TMEM37: variants seen among roughly 807,000 people sequenced by gnomAD.
The protein encoded by TMEM37 is transmembrane protein 37, also known as voltage-dependent calcium channel gamma-like subunit.
TMEM37 carries 12 observed loss-of-function variants against 11.0 expected under a neutral mutation model. The observed-to-expected ratio is 1.09, with a 90% CI of 0.70 to 1.76. The LOEUF (loss-of-function observed/expected upper bound fraction) is 1.76. Among genes scored for constraint, TMEM37 ranks in the 40% most tolerant of loss-of-function variants. The pLI is 0.00. For missense variants in TMEM37, 203 were observed against 251.2 expected (o/e 0.81, Z 1.30); for synonymous variants, 127 against 110.5 (o/e 1.15, Z -0.94).
chr2:119,437,697 G>A lies in TMEM37; in HGVS notation c.*257G>A. ...CAGGCTTAGCCAGATGTTGATTTTA[G>A]AGGAAGAAAAAAACATTTTAAAACT... On this transcript the variant is annotated 3_prime_UTR_variant, in exon 2 of 2. Transcript: ENST00000306406. 1 of 515,464 alleles carries A rather than the reference G, an allele frequency of 1.9e-6. No individual in the cohort carries two copies. Among genetic ancestry groups the A allele is most frequent in the African/African-American group, 1.9e-5 (1 of 51,738 alleles). 31.9% of individuals were successfully genotyped at this position (515,464 alleles called of 1,614,324 possible). A position where few individuals can be genotyped will look rare whatever the true frequency, so the allele number is the denominator to read the frequency against.
At chr2:119,431,658 G>A (rs1033509135), upstream of TMEM37, among the ~76,000 whole-genome samples, 1 of 152,228 alleles carries the variant, frequency 6.6e-6, no homozygotes, top group African/African-American at 2.4e-5. Context: ...CAAGTGCCGG[G>A]TCCTCCCCGC....
chr2:119,436,094 G>T (rs544538894), intron 1 of TMEM37, among the ~76,000 whole-genome samples: 25 of 152,314 alleles, frequency 1.6e-4, no homozygotes, highest in Middle Eastern at 6.8e-3. Context: ...CAGTGCCCGG[G>T]TGGTGTCCTT....
chr2:119,432,264 A>G (rs545936226), intron 1 of TMEM37: 255 of 262,562 alleles, frequency 9.7e-4, no homozygotes, highest in Non-Finnish European at 1.5e-3. Flanking sequence ...AGTTTACCAT[A>G]AGGGTCCCCC....
upstream of TMEM37, chr2:119,431,837 C>T (rs1438756383): frequency 9.8e-6 from 12 of 1,223,902 alleles, no homozygotes; most frequent in Admixed American, 5.2e-4. Flanking sequence ...AAGTCCCGGG[C>T]TGGCGCCGGC....
At chr2:119,435,608 CA>C (rs1180757692) in intron 1 of TMEM37, among the ~76,000 whole-genome samples, 2 of 152,224 alleles carry the variant, frequency 1.3e-5, no homozygotes, top group African/African-American at 2.4e-5. Flanking sequence ...CTTGAGCACC[CA>C]CTGAATGCCC....
At chr2:119,431,993 C>G in intron 1 of TMEM37, 69 bp downstream of exon 1, 3 of 876,032 alleles carry the variant, frequency 3.4e-6, no homozygotes, top group Non-Finnish European at 4.5e-6. Flanking sequence ...GGTGGGAGGA[C>G]GGAGGGAGGG....
At chr2:119,432,451 G>A (rs1234049990) in intron 1 of TMEM37, among the ~76,000 whole-genome samples, 1 of 152,116 alleles carries the variant, frequency 6.6e-6, no homozygotes, top group Non-Finnish European at 1.5e-5. Flanking sequence ...TGGACTTGCT[G>A]AGTCGCGCGG....
chr2:119,430,353 A>G, upstream of TMEM37: 1 of 496,364 alleles, frequency 2.0e-6, no homozygotes, highest in Non-Finnish European at 4.1e-6. Flanking sequence ...CTTCCAGGTG[A>G]CTCTGGTGCA....
upstream of TMEM37, among the ~76,000 whole-genome samples, chr2:119,431,533 T>C (rs1002272780): frequency 4.6e-5 from 7 of 152,218 alleles, no homozygotes; most frequent in Admixed American, 1.3e-4. Context: ...CAGGCCCTCG[T>C]CGCCGTCCCA....
chr2:119,434,740 C>G (rs1175326258), intron 1 of TMEM37, among the ~76,000 whole-genome samples: 1 of 152,180 alleles, frequency 6.6e-6, no homozygotes, highest in African/African-American at 2.4e-5. Flanking sequence ...TTGAGGCATC[C>G]CTCTGCACGC....
intron 1 of TMEM37, among the ~76,000 whole-genome samples, chr2:119,436,222 A>T (rs1682492694): frequency 6.6e-6 from 1 of 152,170 alleles, no homozygotes; most frequent in Non-Finnish European, 1.5e-5. Context: ...TGGCCTTCCC[A>T]TGCCCAGAAG....
chr2:119,436,920 G>T lies in TMEM37; in HGVS notation c.53G>T (p.Arg18Leu). 1.2e-6 allele frequency: 2 copies of T among 1,614,138 alleles called. No homozygotes were observed. Among genetic ancestry groups the T allele is most frequent in the Non-Finnish European group, 8.5e-7 (1 of 1,180,022 alleles). ...AQRPLGQRQP[R>L]RSFFESFIRT... ...AGGCCTTTGGGCCAAAGGCAGCCCC[G>T]CCGGTCCTTCTTTGAATCCTTCATC... Residue 18 changes from arginine to leucine, a missense_variant, in exon 2 of 2, where the codon CGC becomes CTC. Transcript: ENST00000306406.
At chr2:119,430,210 AGCCTG>A, upstream of TMEM37, 1 of 645,442 alleles carries the variant, frequency 1.5e-6, no homozygotes, top group Admixed American at 2.2e-5. Flanking sequence ...AGGCTGGCTG[AGCCTG>A]GGCAGCTGCC....
At position 119,437,218 on chromosome 2, in the gene TMEM37, C is replaced by A. The variant is rs566320245; in HGVS notation, c.351C>A (p.Asp117Glu). ...EFLMVSQLCE[D>E]KHSQCKWVMG... ...TCATGGTGTCCCAGTTGTGCGAGGA[C>A]AAACACTCACAGTGCAAGTGGGTCA... The change falls in exon 2 of 2, where the codon GAC (aspartate) becomes GAA (glutamate). Residue 117 changes from aspartate (D) to glutamate (E), a missense_variant. Coordinates refer to ENST00000306406, the MANE Select transcript of TMEM37 (RefSeq NM_183240.3). 3.7e-6 allele frequency: 6 copies of A among 1,614,258 alleles called. No individual in the cohort carries two copies. The Admixed American group carries it at 5.0e-5, about 13-fold the overall frequency.
At chr2:119,434,424 CAA>C (rs1321419560) in intron 1 of TMEM37, among the ~76,000 whole-genome samples, 2 of 151,772 alleles carry the variant, frequency 1.3e-5, no homozygotes, top group African/African-American at 4.8e-5. Flanking sequence ...CACAGGTTTT[CAA>C]AGTTTCCTTT....
Position 119,437,461 on chromosome 2 carries a change from C to CTCCAGGGACATCAGATTCCACAAGA in TMEM37, c.*22_*46dup. ...AATGACCGTGGAAATTTTAGGCCCC[C>CTCCAGGGACATCAGATTCCACAAGA]TCCAGGGACATCAGATTCCACAAGA... On this transcript the variant is annotated 3_prime_UTR_variant, in exon 2 of 2. Transcript: ENST00000306406. 6.3e-7 allele frequency: 1 copy of CTCCAGGGACATCAGATTCCACAAGA among 1,596,112 alleles called. No individual in the cohort carries two copies. The highest frequency in any genetic ancestry group is 8.5e-7 in the Non-Finnish European group (1 of 1,171,226).
chr2:119,433,541 T>A (rs1682443905), intron 1 of TMEM37, among the ~76,000 whole-genome samples: 1 of 152,020 alleles, frequency 6.6e-6, no homozygotes, highest in African/African-American at 2.4e-5. Context: ...GTGCTTTGGT[T>A]AAGGGGAACA....
In TMEM37 at chr2:119,437,756, A is replaced by G. The variant is rs1682533062; in HGVS notation, c.*316A>G. On this transcript the variant is annotated 3_prime_UTR_variant, in exon 2 of 2. Coordinates refer to ENST00000306406, the MANE Select transcript of TMEM37 (RefSeq NM_183240.3). ...AATTTTCTTCCCTGGACTGGAATACAGTTGGAAGCACAGGGGTAACTGGTA... is the reference window on the plus strand; with the variant it reads ...AATTTTCTTCCCTGGACTGGAATACGGTTGGAAGCACAGGGGTAACTGGTA... 1 of 363,962 alleles carries G rather than the reference A, an allele frequency of 2.7e-6. No homozygotes were observed. The highest frequency in any genetic ancestry group is 5.0e-6 in the Non-Finnish European group (1 of 200,270). 22.5% of individuals were successfully genotyped at this position (363,962 alleles called of 1,614,324 possible). A position where few individuals can be genotyped will look rare whatever the true frequency, so the allele number is the denominator to read the frequency against.
chr2:119,438,124 G>GC lies in TMEM37; in HGVS notation c.*686dup, dbSNP rs58035876. On this transcript the variant is annotated 3_prime_UTR_variant, in exon 2 of 2. Coordinates refer to ENST00000306406, the MANE Select transcript of TMEM37 (RefSeq NM_183240.3). ...ACCCCATCTTCTAGCAGCTGGCTGT[G>GC]CCTCTGGGAGCTCTGCCTATCAGAA... 0.17 allele frequency: 26,401 copies of GC among 152,266 alleles called. 2,626 individuals carry two copies. Among genetic ancestry groups the GC allele is most frequent in the African/African-American group, 0.27 (11,138 of 41,530 alleles). The allele number at this position is 152,266 out of a possible 1,614,324, so 9.4% of individuals were successfully genotyped here.
Sources: allele counts gnomAD v4.1 joint callset (sites outside exome capture counted in the v4.1 genomes callset), GRCh38; gene constraint gnomAD v4.1.1; transcripts MANE v1.5; gene names NCBI Gene and HGNC (gene_info 2026-07-23, HGNC 2026-07-21).